PPP5C: variants seen among roughly 807,000 people sequenced by gnomAD.
PPP5C encodes the protein serine/threonine-protein phosphatase 5.
Under a neutral mutation model 66.7 loss-of-function variants are expected in PPP5C, and 21 were observed. The ratio of observed to expected loss-of-function variants is 0.31; its 90% CI spans 0.22 to 0.45. The LOEUF is 0.45. Ranked by LOEUF, PPP5C falls within the 20% of genes least tolerant of loss-of-function variation. The pLI is 1.00. For synonymous variants in PPP5C, 246 were observed against 257.4 expected (o/e 0.96, Z 0.43); for missense variants, 464 against 675.9 (o/e 0.69, Z 3.48).
chr19:46,378,552 A>G (rs1972735731), intron 4 of PPP5C, among the ~76,000 whole-genome samples: 1 of 152,214 alleles, frequency 6.6e-6, no homozygotes, highest in South Asian at 2.1e-4. Context: ...GGGGCTGTTA[A>G]AAGCTCCGAC....
At chr19:46,382,547 AT>A (rs1972811033) in intron 4 of PPP5C, 1 of 152,660 alleles carries the variant, frequency 6.6e-6, no homozygotes, top group South Asian at 2.1e-4. Flanking sequence ...TACAGTTAAC[AT>A]CTGTCCACCC....
At chr19:46,372,663 C>G (rs1972614800) in intron 2 of PPP5C, among the ~76,000 whole-genome samples, 1 of 152,232 alleles carries the variant, frequency 6.6e-6, no homozygotes, top group Admixed American at 6.5e-5. Context: ...GAAGATAATG[C>G]TTTTAGAAAC....
chr19:46,361,128 A>ATTTTTTTTTTTTTTTTTTTTTTTT lies in PPP5C; in HGVS notation c.363+7139_363+7140insTTTTTTTTTTTTTTTTTTTTTTTT, dbSNP rs202038384. Among the ~76,000 whole-genome samples the ATTTTTTTTTTTTTTTTTTTTTTTT allele has an allele frequency of 1.5e-5, 2 of 133,416 alleles. 1 individual carries two copies. Among genetic ancestry groups the ATTTTTTTTTTTTTTTTTTTTTTTT allele is most frequent in the Non-Finnish European group, 3.2e-5 (2 of 63,144 alleles). The allele number at this position is 133,416 out of a possible 152,430, so 87.5% of individuals were successfully genotyped here. On this transcript the variant is annotated intron_variant, in intron 2 of 12. Transcript: ENST00000012443. Reference sequence around the variant, plus strand: ...TTTACCCAAAAGATAAGTGAAAGAAAATTTTTTTTTTTTTTTTTTGAGACG... The same window carrying ATTTTTTTTTTTTTTTTTTTTTTTT: ...TTTACCCAAAAGATAAGTGAAAGAAATTTTTTTTTTTTTTTTTTTTTTTTATTTTTTTTTTTTTTTTTTGAGACG...
In PPP5C at chr19:46,383,883, CCTT is replaced by C. The variant is rs1191441016; in HGVS notation, c.798+8_798+10del. ...CCCTCGGAGACCAACCCCTATGTAT[CCTT>C]CTCAGCAGAGCCACCCTCTCCCCAC... On this transcript the variant is annotated splice_donor_region_variant and intron_variant, in intron 6 of 12. Transcript: ENST00000012443. The surrounding 1 kb of genome is among the most constrained non-coding windows in gnomAD (Gnocchi z 5.0). The C allele has an allele frequency of 3.1e-6, 5 of 1,605,012 alleles. No individual in the cohort carries two copies. The African/African-American group carries it at 4.0e-5, about 13-fold the overall frequency.
chr19:46,357,382 T>TA (rs1167558161), intron 2 of PPP5C, among the ~76,000 whole-genome samples: 1 of 152,168 alleles, frequency 6.6e-6, no homozygotes, highest in East Asian at 1.9e-4. Context: ...AGTCAACAGT[T>TA]ACACAGAAAA....
chr19:46,354,736 G>C (rs1047846834), intron 2 of PPP5C, among the ~76,000 whole-genome samples: 1 of 152,030 alleles, frequency 6.6e-6, no homozygotes, highest in African/African-American at 2.4e-5. Context: ...GCTCAAGGCC[G>C]CAGTGAGCTA....
chr19:46,352,823 A>G (rs2147360906), intron 1 of PPP5C, among the ~76,000 whole-genome samples: 1 of 150,804 alleles, frequency 6.6e-6, no homozygotes, highest in East Asian at 2.0e-4. Context: ...CCATCTCAAA[A>G]AAAAAAAAAA....
At chr19:46,358,409 C>A (rs770243803) in intron 2 of PPP5C, among the ~76,000 whole-genome samples, 1 of 152,182 alleles carries the variant, frequency 6.6e-6, no homozygotes, top group Admixed American at 6.5e-5. Context: ...ATGGCTCCCC[C>A]CTTTCAGGCA....
chr19:46,353,792 G>A lies in PPP5C; in HGVS notation c.166G>A (p.Glu56Lys), dbSNP rs1601411917. ...CATCAAGTTCTACAGCCAGGCCATC[G>A]AGCTGAACCCCAGCAATGCCATCTA... is the stretch of plus-strand genomic sequence containing the variant. ...NAIKFYSQAI[E>K]LNPSNAIYYG... Residue 56 changes from glutamate (E) to lysine (K), a missense_variant, in exon 2 of 13, where the codon GAG (glutamate) becomes AAG (lysine). Transcript: ENST00000012443. The A allele has an allele frequency of 6.8e-6, 11 of 1,614,104 alleles. No individual in the cohort carries two copies. The highest frequency in any genetic ancestry group is 2.2e-5 in the East Asian group (1 of 44,886).
intron 6 of PPP5C, 86 bp from the exon 7 acceptor site, chr19:46,384,718 T>C (rs1972852611): frequency 2.0e-6 from 2 of 1,020,692 alleles, no homozygotes; most frequent in Non-Finnish European, 3.1e-6. Context: ...GAGCAGCCCA[T>C]CTGGCCCATC....
intron 2 of PPP5C, among the ~76,000 whole-genome samples, chr19:46,372,774 T>C (rs1972616941): frequency 1.3e-5 from 2 of 152,150 alleles, no homozygotes; most frequent in South Asian, 2.1e-4. Context: ...TACATAAATA[T>C]CACAGTCAGA....
chr19:46,371,216 C>A (rs528283156), intron 2 of PPP5C, among the ~76,000 whole-genome samples: 2 of 152,274 alleles, frequency 1.3e-5, no homozygotes, highest in African/African-American at 4.8e-5. Context: ...TGCTCCCTGG[C>A]CCTTCCTGGG....
In PPP5C at chr19:46,376,795, A is replaced by C; in HGVS notation, c.633+221A>C. ...GCAGGCAGTGCCATTTGACAGATGC[A>C]GGGACAAAGGGCCAGAGAGGTCAGG... On this transcript the variant is annotated intron_variant, in intron 4 of 12. Transcript: ENST00000012443. This position sits in a 1 kb window ranked among gnomAD's most constrained non-coding sequence, Gnocchi z 5.1. 1 of 534,120 alleles carries C rather than the reference A, an allele frequency of 1.9e-6. No individual in the cohort carries two copies. Among genetic ancestry groups the C allele is most frequent in the East Asian group, 3.8e-5 (1 of 26,084 alleles). The allele number at this position is 534,120 out of a possible 1,614,324, so 33.1% of individuals were successfully genotyped here.
At chr19:46,375,207 C>T (rs887828207) in intron 2 of PPP5C, among the ~76,000 whole-genome samples, 6 of 152,152 alleles carry the variant, frequency 3.9e-5, no homozygotes, top group African/African-American at 1.4e-4. Context: ...TGTTCTGTGA[C>T]CGTAGACCCA....
At chr19:46,354,107 A>G (rs1972242271) in intron 2 of PPP5C, 118 bp downstream of exon 2, 2 of 1,426,698 alleles carry the variant, frequency 1.4e-6, no homozygotes, top group South Asian at 2.8e-5. Flanking sequence ...GCCAGCCAGC[A>G]AGTGCCTGTG....
chr19:46,390,450 C>T lies in PPP5C; in HGVS notation c.*104C>T, dbSNP rs1221721971. The T allele has an allele frequency of 7.2e-6, 11 of 1,529,260 alleles. No homozygotes were observed. Among genetic ancestry groups the T allele is most frequent in the African/African-American group, 2.8e-5 (2 of 72,454 alleles). The allele number at this position is 1,529,260 out of a possible 1,614,324, so 94.7% of individuals were successfully genotyped here. A position where few individuals can be genotyped will look rare whatever the true frequency, so the allele number is the denominator to read the frequency against. On this transcript the variant is annotated 3_prime_UTR_variant, in exon 13 of 13. Transcript: ENST00000012443. ...GCCCCGCCCCAGGGCAATGTTGGACCCCCTTTTACTTTGTAAAGTTTGTAT... is the reference window on the plus strand; with the variant it reads ...GCCCCGCCCCAGGGCAATGTTGGACTCCCTTTTACTTTGTAAAGTTTGTAT...
intron 2 of PPP5C, among the ~76,000 whole-genome samples, chr19:46,358,031 C>G (rs1044900862): frequency 1.3e-5 from 2 of 152,174 alleles, no homozygotes; most frequent in African/African-American, 4.8e-5. Context: ...GTGACCAGCC[C>G]CCATCCTGAA....
intron 11 of PPP5C, 78 bp from the exon 12 acceptor site, chr19:46,389,973 G>A (rs1972984291): frequency 5.3e-6 from 7 of 1,312,954 alleles, no homozygotes; most frequent in Non-Finnish European, 7.7e-6. Context: ...GTCCCTTCTT[G>A]CCCAGCCATT....
At chr19:46,363,200 T>A (rs1267954001) in intron 2 of PPP5C, among the ~76,000 whole-genome samples, 4 of 134,464 alleles carry the variant, frequency 3.0e-5, no homozygotes, top group East Asian at 2.4e-4. Flanking sequence ...CCCAGCTACT[T>A]GGGAGGCTGA....
Sources: gnomAD v4.1 joint callset for allele counts (sites outside exome capture counted in the v4.1 genomes callset) on GRCh38, gnomAD v4.1.1 for gene constraint, Gnocchi (gnomAD v3.1) non-coding constraint, MANE v1.5 for transcripts, NCBI Gene and HGNC (gene_info 2026-07-23, HGNC 2026-07-21) for gene names.